Variants in ANO4 observed in about 807,000 individuals in gnomAD.
ANO4 encodes anoctamin-4.
Under a neutral mutation model 141.9 loss-of-function variants are expected in ANO4, and 69 were observed. The ratio of observed to expected loss-of-function variants is 0.49; its 90% CI spans 0.40 to 0.59. The LOEUF (loss-of-function observed/expected upper bound fraction) is 0.59, where lower values mean the gene tolerates loss of function less well. Ranked by LOEUF, ANO4 falls within the 20% of genes least tolerant of loss-of-function variation. The probability of loss-of-function intolerance (pLI) is 0.00; values close to 1 mark genes in which losing one functional copy is unlikely to be tolerated. For missense variants in ANO4, 894 were observed against 1,162.2 expected, an observed-to-expected ratio of 0.77 and a Z score of 3.36; for synonymous variants, 350 against 394.3, an observed-to-expected ratio of 0.89 and a Z score of 1.33.
chr12:101,042,286 A>G, intron 11 of ANO4, 48 bp from the exon 12 acceptor site: 7 of 1,610,624 alleles, frequency 4.3e-6, no homozygotes, highest in Non-Finnish European at 5.9e-6. Flanking sequence ...ATAATGCTTA[A>G]CTTTACACAC....
intron 1 of ANO4, among the ~76,000 whole-genome samples, chr12:100,888,540 A>G (rs1301348917): frequency 1.3e-5 from 2 of 152,252 alleles, no homozygotes; most frequent in African/African-American, 2.4e-5. Flanking sequence ...ACAAGTATTC[A>G]CACAGGAAGG....
chr12:101,120,107 C>T (rs1269228947), intron 25 of ANO4, among the ~76,000 whole-genome samples: 1 of 152,202 alleles, frequency 6.6e-6, no homozygotes, highest in East Asian at 1.9e-4. Flanking sequence ...GATGCTGCCT[C>T]TCTGCTGTCT....
chr12:100,944,729 A>G (rs576275824), intron 5 of ANO4, among the ~76,000 whole-genome samples: 16 of 152,338 alleles, frequency 1.1e-4, no homozygotes, highest in Admixed American at 6.5e-5. Context: ...CAGTCAGCTC[A>G]GCAAGAAAAG....
At chr12:101,067,216 T>TA (rs1438640938) in intron 14 of ANO4, among the ~76,000 whole-genome samples, 2 of 152,194 alleles carry the variant, frequency 1.3e-5, no homozygotes, top group East Asian at 3.9e-4. Context: ...GGAATAGTGT[T>TA]ACAGCTTTGA....
chr12:101,096,334 AC>A (rs1201319843), intron 18 of ANO4, among the ~76,000 whole-genome samples: 1 of 151,844 alleles, frequency 6.6e-6, no homozygotes, highest in Non-Finnish European at 1.5e-5. Flanking sequence ...TTCTCATGAG[AC>A]CCTTGTTGGG....
chr12:101,101,874 C>G (rs548508110), intron 22 of ANO4, among the ~76,000 whole-genome samples: 1 of 151,944 alleles, frequency 6.6e-6, no homozygotes, highest in African/African-American at 2.4e-5. Flanking sequence ...CCTGAGGTCA[C>G]GAGTTCAAGA....
chr12:100,791,365 G>A (rs942558341), upstream of ANO4, among the ~76,000 whole-genome samples: 4 of 151,998 alleles, frequency 2.6e-5, no homozygotes, highest in Admixed American at 6.6e-5. Flanking sequence ...AGCCGAGATC[G>A]CACCACTGCA....
At chr12:100,940,786 T>C (rs1189401289) in intron 4 of ANO4, among the ~76,000 whole-genome samples, 1 of 152,198 alleles carries the variant, frequency 6.6e-6, no homozygotes, top group East Asian at 1.9e-4. Flanking sequence ...ATAGACACAA[T>C]TTTGAAATCT....
intron 3 of ANO4, among the ~76,000 whole-genome samples, chr12:100,766,138 G>C (rs1037555870): frequency 1.3e-5 from 2 of 151,952 alleles, no homozygotes; most frequent in African/African-American, 4.8e-5. Flanking sequence ...TTCTGTGCTT[G>C]GCTTATTTTA....
At chr12:100,757,979 T>G (rs965261759) in intron 3 of ANO4, among the ~76,000 whole-genome samples, 1 of 152,136 alleles carries the variant, frequency 6.6e-6, no homozygotes, top group South Asian at 2.1e-4. Flanking sequence ...TATAAAGAAA[T>G]AAAATTCAAC....
intron 26 of ANO4, among the ~76,000 whole-genome samples, chr12:101,122,425 T>C (rs1436929009): frequency 1.3e-5 from 2 of 152,214 alleles, no homozygotes; most frequent in African/African-American, 4.8e-5. Context: ...TTTGTTGCAA[T>C]TGCTTTTCAG....
chr12:100,853,777 C>T (rs1398034746), intron 1 of ANO4, among the ~76,000 whole-genome samples: 1 of 152,132 alleles, frequency 6.6e-6, no homozygotes, highest in Admixed American at 6.5e-5. Flanking sequence ...AAGGTAGTAT[C>T]TCTGTCCTCT....
rs188395579 is a variant in ANO4 at position 100,769,607 on chromosome 12, A to T, written c.358+29502A>T. Among the ~76,000 whole-genome samples, 8 of 152,362 alleles carry T rather than the reference A, an allele frequency of 5.3e-5. No individual in the cohort carries two copies. In the East Asian group the frequency reaches 1.5e-3, roughly 29 times the overall value. On this transcript the variant is annotated intron_variant, in intron 3 of 29. Transcript: ENST00000644049. ...GTACAAGGTAAAGGATTATTACAGA[A>T]GGGCAGGTCATCTGGATTATAGATT...
At chr12:100,913,258 A>G (rs1423762577) in intron 2 of ANO4, among the ~76,000 whole-genome samples, 1 of 152,192 alleles carries the variant, frequency 6.6e-6, no homozygotes, top group Admixed American at 6.5e-5. Flanking sequence ...AAGAGCCATA[A>G]AAAGGCAGCC....
chr12:100,786,973 T>C (rs2033892533), intron 3 of ANO4, among the ~76,000 whole-genome samples: 1 of 152,128 alleles, frequency 6.6e-6, no homozygotes, highest in African/African-American at 2.4e-5. Flanking sequence ...GTTAGAAAGA[T>C]AGGTAAAAAC....
Position 100,939,346 on chromosome 12 carries a change from A to C in ANO4, c.192A>C (p.Glu64Asp). The C allele has an allele frequency of 4.3e-6, 7 of 1,613,406 alleles. No individual in the cohort carries two copies. The highest frequency in any genetic ancestry group is 5.9e-6 in the Non-Finnish European group (7 of 1,179,492). The change falls in exon 4 of 28, where the codon GAA becomes GAC. Residue 64 changes from glutamate (E) to aspartate (D), a missense_variant. By Grantham distance (45) the Glu-to-Asp change is conservative. Transcript: ENST00000392977. ...MAKDVNILFDELEAVSSPCKD... is the reference protein window; with the variant it reads ...MAKDVNILFDDLEAVSSPCKD... ...AGGATGTCAATATTCTTTTTGATGAATTAGAAGCTGTCAGCAGTCCTTGCA... is the reference window on the plus strand; with the variant it reads ...AGGATGTCAATATTCTTTTTGATGACTTAGAAGCTGTCAGCAGTCCTTGCA...
At chr12:100,832,981 T>A (rs1233176692) in intron 1 of ANO4, among the ~76,000 whole-genome samples, 11 of 152,162 alleles carry the variant, frequency 7.2e-5, no homozygotes. Context: ...TTTTTATGCT[T>A]TCTAGCAGAC....
At chr12:100,930,271 G>A (rs113150647) in intron 3 of ANO4, among the ~76,000 whole-genome samples, 2,836 of 152,170 alleles carry the variant, frequency 0.019, 101 homozygotes, top group African/African-American at 0.065. Flanking sequence ...CAATGTTCTG[G>A]AGAGTTTCTC....
chr12:100,969,340 C>T lies in ANO4; in HGVS notation c.457-1966C>T, dbSNP rs75041540. Among the ~76,000 whole-genome samples the T allele has an allele frequency of 9.1e-4, 139 of 152,290 alleles. 2 individuals carry two copies. The highest frequency in any genetic ancestry group is 3.2e-3 in the African/African-American group (135 of 41,572). Reference sequence around the variant, plus strand: ...CCAGAAGATAAAACCTCATTTCAGCCTGAACTGCCAGAAAGTTAGACTTTT... The same window carrying T: ...CCAGAAGATAAAACCTCATTTCAGCTTGAACTGCCAGAAAGTTAGACTTTT... On this transcript the variant is annotated intron_variant, in intron 5 of 27. Transcript: ENST00000392977.
Sources: allele counts gnomAD v4.1 joint callset (sites outside exome capture counted in the v4.1 genomes callset), GRCh38; gene constraint gnomAD v4.1.1; transcripts MANE v1.5; gene names NCBI Gene and HGNC (gene_info 2026-07-23, HGNC 2026-07-21).